The following KMT2D variants were observed in gnomAD, a reference collection of about 807,000 sequenced individuals.
KMT2D encodes the protein histone-lysine N-methyltransferase 2D.
Under a neutral mutation model 512.7 loss-of-function variants are expected in KMT2D, and 55 were observed. The observed-to-expected ratio is 0.11, with a 90% CI of 0.09 to 0.13. The LOEUF (loss-of-function observed/expected upper bound fraction) is 0.13. Among genes scored for constraint, KMT2D ranks in the 10% least tolerant of loss-of-function variants. KMT2D has a pLI of 1.00. For missense variants in KMT2D, 6,061 were observed against 7,127.9 expected, an observed-to-expected ratio of 0.85 and a Z score of 5.39; for synonymous variants, 2,995 against 2,904.0, an observed-to-expected ratio of 1.03 and a Z score of -1.01.
In KMT2D at chr12:49,038,732, G is replaced by T. The variant is rs2120503333; in HGVS notation, c.8624C>A (p.Ala2875Asp). Reference sequence around the variant, plus strand: ...ATTGTGCCGCAGCTCAATGAACTGGGCAGGACCAGCTGGACCAGGCACTGG... The same window carrying T: ...ATTGTGCCGCAGCTCAATGAACTGGTCAGGACCAGCTGGACCAGGCACTGG... ...GEPVPGPAGP[A>D]QFIELRHNVQ... Residue 2875 changes from alanine to aspartate, a missense_variant, in exon 35 of 55, where the codon GCC becomes GAC. By Grantham distance (126) the Ala-to-Asp change is moderately radical. Transcript: ENST00000301067. The surrounding 1 kb of genome is among the most constrained non-coding windows in gnomAD (Gnocchi z 5.7). The T allele has an allele frequency of 6.2e-7, 1 of 1,608,534 alleles. No individual in the cohort carries two copies. Among genetic ancestry groups the T allele is most frequent in the Non-Finnish European group, 8.5e-7 (1 of 1,177,768 alleles).
chr12:49,030,253 CA>C (rs1942829831), intron 43 of KMT2D, 26 bp downstream of exon 43: 1 of 1,577,224 alleles, frequency 6.3e-7, no homozygotes. Flanking sequence ...CAAACTCCAC[CA>C]GGGGTGGCAT....
rs1942879269 is a variant in KMT2D, at chr12:49,030,998, G to C, written c.13566C>G (p.Pro4522=). ...AAARKPLTPK[P]KRVQKASDRL... ...TGTCGCTTGCCTTCTGTACCCGCTT[G>C]GGCTTCGGTGTCAAAGGCTTCCTTG... is the stretch of plus-strand genomic sequence containing the variant. The change falls in exon 41 of 55, where the codon CCC becomes CCG. Residue 4522 remains proline (P), a synonymous_variant. Transcript: ENST00000301067. 6.2e-7 allele frequency: 1 copy of C among 1,613,780 alleles called. No homozygotes were observed. Among genetic ancestry groups the C allele is most frequent in the African/African-American group, 1.3e-5 (1 of 74,912 alleles).
chr12:49,057,609 G>A (rs75262283), intron 1 of KMT2D, among the ~76,000 whole-genome samples: 5,560 of 152,214 alleles, frequency 0.037, 358 homozygotes, highest in African/African-American at 0.12. Flanking sequence ...AATAATCTAG[G>A]GGGCACCTCC....
chr12:49,024,685 T>C lies in KMT2D; in HGVS notation c.15945A>G (p.Gln5315=). Residue 5315 remains glutamine, a synonymous_variant, in exon 51 of 55, where the codon CAA becomes CAG. Transcript: ENST00000301067. This position sits in a 1 kb window ranked among gnomAD's most constrained non-coding sequence, Gnocchi z 4.5. ...GGCGCCCATAGCGGAATAAATAGTT[T>C]TGACAGCTCTCCACCCCGGGCAGCT... ...AESLPGVESC[Q]NYLFRYGRHP... is the part of the protein sequence containing the mutation. The C allele has an allele frequency of 2.5e-6, 4 of 1,613,846 alleles. No homozygotes were observed. The highest frequency in any genetic ancestry group is 3.4e-6 in the Non-Finnish European group (4 of 1,179,838).
chr12:49,055,466 C>A (rs1938354324), intron 1 of KMT2D, 105 bp from the exon 2 acceptor site: 2 of 665,100 alleles, frequency 3.0e-6, no homozygotes, highest in Non-Finnish European at 5.2e-6. Context: ...GACATCAGAG[C>A]AAAGCCATAC....
chr12:49,057,376 A>G (rs1328859296), intron 1 of KMT2D, among the ~76,000 whole-genome samples: 1 of 152,204 alleles, frequency 6.6e-6, no homozygotes, highest in Admixed American at 6.5e-5. Context: ...GGGTAGGAGG[A>G]GGGCTGCCTC....
chr12:49,032,746 G>T lies in KMT2D; in HGVS notation c.11959C>A (p.Pro3987Thr). 1.9e-6 allele frequency: 3 copies of T among 1,592,036 alleles called. 1 individual carries two copies. In the South Asian group the frequency reaches 3.4e-5, roughly 18 times the overall value. The change falls in exon 40 of 55, where the codon CCT becomes ACT. Residue 3987 changes from proline (P) to threonine (T), a missense_variant. Pro to Thr is a conservative substitution (Grantham distance 38). This residue lies in a region of KMT2D where 1,600 missense variants were observed against 1,754.9 expected (regional missense o/e 0.91). Coordinates refer to ENST00000301067, the MANE Select transcript of KMT2D (RefSeq NM_003482.4). ...LLNQSRTLLS[P>T]QQQQQQQVAL... ...ACTTGCTGCTGCTGTTGTTGCTGAG[G>T]AGACAGTAAAGTTCGACTCTGGTTT...
At position 49,022,243 on chromosome 12, in the gene KMT2D, G is replaced by A. The variant is rs1159079391; in HGVS notation, c.16412+37C>T. 3.8e-6 allele frequency: 6 copies of A among 1,594,314 alleles called. No homozygotes were observed. In the African/African-American group the frequency reaches 6.7e-5, roughly 18 times the overall value. On this transcript the variant is annotated intron_variant, in intron 53 of 54. Coordinates refer to ENST00000301067, the MANE Select transcript of KMT2D (RefSeq NM_003482.4). This position sits in a 1 kb window ranked among gnomAD's most constrained non-coding sequence, Gnocchi z 8.6. ...TCTATCCCCCAGAGTGCCACTCTCAGGGACCACTAAATCCCTCCTTCCTCG... is the reference window on the plus strand; with the variant it reads ...TCTATCCCCCAGAGTGCCACTCTCAAGGACCACTAAATCCCTCCTTCCTCG...
At position 49,052,548 on chromosome 12, in the gene KMT2D, C is replaced by A. The variant is rs530028496; in HGVS notation, c.1258+16G>T. The A allele has an allele frequency of 6.2e-7, 1 of 1,611,662 alleles. No individual in the cohort carries two copies. The highest frequency in any genetic ancestry group is 8.5e-7 in the Non-Finnish European group (1 of 1,178,576). On this transcript the variant is annotated intron_variant, in intron 10 of 54. Transcript: ENST00000301067. ...TAAAAGGGGATGAATTTCAGGGACCCTCAAACCCTACTCACCTAGTGGTTT... is the reference window on the plus strand; with the variant it reads ...TAAAAGGGGATGAATTTCAGGGACCATCAAACCCTACTCACCTAGTGGTTT...
rs779065395 is a variant in KMT2D at position 49,041,672 on chromosome 12, T to C, written c.6217A>G (p.Ile2073Val). Residue 2073 changes from isoleucine to valine, a missense_variant, in exon 31 of 55, where the codon ATC (isoleucine) becomes GTC (valine). Ile to Val is a conservative substitution (Grantham distance 29, BLOSUM62 3). Transcript: ENST00000301067. The surrounding 1 kb of genome is among the most constrained non-coding windows in gnomAD (Gnocchi z 5.4). ...CCACTCACCTTCTGCACCTTGTTGA[T>C]GCGGTGAGCTGCCCGGTTATCTTTG... ...KAKDNRAAHR[I>V]NKVQKQAESQ... The C allele has an allele frequency of 5.6e-6, 9 of 1,613,052 alleles. No homozygotes were observed. The highest frequency in any genetic ancestry group is 7.6e-6 in the Non-Finnish European group (9 of 1,179,436).
At chr12:49,027,394 AT>A (rs1418786495) in intron 48 of KMT2D, 72 bp from the exon 49 acceptor site, 1 of 1,292,986 alleles carries the variant, frequency 7.7e-7, no homozygotes, top group Non-Finnish European at 1.1e-6. Flanking sequence ...CCTCACCCAT[AT>A]GCCACCCTCC....
chr12:49,046,581 G>T lies in KMT2D; in HGVS notation c.4418+28C>A, dbSNP rs2120608888. On this transcript the variant is annotated intron_variant, in intron 16 of 54. Transcript: ENST00000301067. This position sits in a 1 kb window ranked among gnomAD's most constrained non-coding sequence, Gnocchi z 4.2. ...CACTTTAACATCTCAAGGCCCCAGG[G>T]CTCCACTGAAGATCCCAGTCTCCTT... 1 of 1,598,562 alleles carries T rather than the reference G, an allele frequency of 6.3e-7. No individual in the cohort carries two copies. The highest frequency in any genetic ancestry group is 8.5e-7 in the Non-Finnish European group (1 of 1,169,700).
chr12:49,042,808 C>T lies in KMT2D; in HGVS notation c.5715G>A (p.Gln1905=). Residue 1905 remains glutamine, a synonymous_variant, in exon 27 of 55, where the codon CAG becomes CAA. Coordinates refer to ENST00000301067, the MANE Select transcript of KMT2D (RefSeq NM_003482.4). The surrounding 1 kb of genome is among the most constrained non-coding windows in gnomAD (Gnocchi z 4.4). ...GGCCAGGGGTTCCACAACCCAGATG[C>T]TGTTCTCGTTCAGAGCCCAGAACAT... The part of the protein sequence containing the change: ...FKDVLGSERE[Q]HLGCGTPGLE... 1 of 1,613,982 alleles carries T rather than the reference C, an allele frequency of 6.2e-7. No individual in the cohort carries two copies. The highest frequency in any genetic ancestry group is 8.5e-7 in the Non-Finnish European group (1 of 1,179,852).
rs2120483203 is a variant in KMT2D at position 49,037,632 on chromosome 12, C to A, written c.9724G>T (p.Ala3242Ser). The A allele has an allele frequency of 6.4e-7, 1 of 1,567,650 alleles. No individual in the cohort carries two copies. Among genetic ancestry groups the A allele is most frequent in the East Asian group, 2.4e-5 (1 of 42,174 alleles). Residue 3242 changes from alanine to serine, a missense_variant, in exon 35 of 55, where the codon GCC becomes TCC. Coordinates refer to ENST00000301067, the MANE Select transcript of KMT2D (RefSeq NM_003482.4). Reference sequence around the variant, plus strand: ...TCAATGAGCAGGGGTAACTCGCTGGCTACCAGTGAGCTCTCCATCTTGTCT... The same window carrying A: ...TCAATGAGCAGGGGTAACTCGCTGGATACCAGTGAGCTCTCCATCTTGTCT... ...ELDKMESSLVASELPLLIEDL... is the reference protein window; with the variant it reads ...ELDKMESSLVSSELPLLIEDL...
intron 24 of KMT2D, 81 bp from the exon 25 acceptor site, chr12:49,043,509 A>G: frequency 1.3e-6 from 2 of 1,592,414 alleles, no homozygotes; most frequent in Non-Finnish European, 8.6e-7. Context: ...ACAGCCCTAC[A>G]GGCCAGGACC....
chr12:49,057,435 C>T (rs757973496), intron 1 of KMT2D, among the ~76,000 whole-genome samples: 20 of 152,204 alleles, frequency 1.3e-4, no homozygotes, highest in Admixed American at 4.6e-4. Context: ...GAGCTCAGCC[C>T]TCTCAGGCTG....
At chr12:49,053,887 C>A in intron 6 of KMT2D, 91 bp downstream of exon 6, 1 of 1,375,304 alleles carries the variant, frequency 7.3e-7, no homozygotes, top group Admixed American at 2.0e-5. Flanking sequence ...GTAAATAATG[C>A]TATACTTTGA....
chr12:49,024,473 T>C lies in KMT2D; in HGVS notation c.16052+105A>G. ...GAAGTCTAAGAGTGATTCCCCATTTTCTCCACGGGAACTCTGATCTGTATC... is the reference window on the plus strand; with the variant it reads ...GAAGTCTAAGAGTGATTCCCCATTTCCTCCACGGGAACTCTGATCTGTATC... On this transcript the variant is annotated intron_variant, in intron 51 of 54. Transcript: ENST00000301067. The surrounding 1 kb of genome is among the most constrained non-coding windows in gnomAD (Gnocchi z 4.5). 2 of 1,431,878 alleles carry C rather than the reference T, an allele frequency of 1.4e-6. No individual in the cohort carries two copies. Among genetic ancestry groups the C allele is most frequent in the East Asian group, 2.3e-5 (1 of 43,244 alleles). 88.7% of individuals were successfully genotyped at this position (1,431,878 alleles called of 1,614,324 possible). A position where few individuals can be genotyped will look rare whatever the true frequency, so the allele number is the denominator to read the frequency against.
intron 1 of KMT2D, among the ~76,000 whole-genome samples, 177 bp downstream of exon 1, chr12:49,059,436 C>T (rs1372646092): frequency 1.3e-5 from 2 of 152,174 alleles, no homozygotes; most frequent in African/African-American, 2.4e-5. Context: ...AGACACCAGG[C>T]CTCAGTTCTG....
Sources: gnomAD v4.1 joint callset for allele counts (sites outside exome capture counted in the v4.1 genomes callset) on GRCh38, gnomAD v4.1.1 for gene constraint, gnomAD v4.1.1 regional missense constraint, Gnocchi (gnomAD v3.1) non-coding constraint, MANE v1.5 for transcripts, NCBI Gene and HGNC (gene_info 2026-07-23, HGNC 2026-07-21) for gene names.